Variants in WNT5A observed in about 807,000 individuals in gnomAD.
WNT5A encodes Wnt family member 5A, also known as protein Wnt-5a.
Under a neutral mutation model 42.1 loss-of-function variants are expected in WNT5A, and 9 were observed. That is an observed-to-expected ratio of 0.21 (90% CI 0.13 to 0.37). The LOEUF (loss-of-function observed/expected upper bound fraction) is 0.37. Ranked by LOEUF, WNT5A falls within the 10% of genes least tolerant of loss-of-function variation. The pLI, the probability that WNT5A is intolerant of heterozygous loss-of-function variation, is 1.00. For missense variants in WNT5A, 426 were observed against 534.0 expected, an observed-to-expected ratio of 0.80 and a Z score of 1.99; for synonymous variants, 210 against 210.0, an observed-to-expected ratio of 1.00 and a Z score of 0.00.
rs2051381008 is a variant in WNT5A, at chr3:55,477,580, T to C, written c.391+1734A>G. Among the ~76,000 whole-genome samples, 3 of 152,160 alleles carry C rather than the reference T, an allele frequency of 2.0e-5. No individual in the cohort carries two copies. The South Asian group carries it at 6.2e-4, about 32-fold the overall frequency. On this transcript the variant is annotated intron_variant, in intron 3 of 4. Transcript: ENST00000264634. ...CCGTGCAGCTGAAGACCAGAGAGCA[T>C]ACTTTCCAGGGACAATTAAATACAG...
intron 3 of WNT5A, 50 bp from the exon 4 acceptor site, chr3:55,474,679 CGGGATGCTGCCGGGGGTGG>C: frequency 4.1e-6 from 1 of 246,056 alleles, no homozygotes; most frequent in Non-Finnish European, 5.0e-6. Flanking sequence ...CGCGCTGGGC[CGGGATGCTGCCGGGGGTGG>C]GGGTGGGGGC....
chr3:55,472,719 C>T (rs989468472), intron 4 of WNT5A, among the ~76,000 whole-genome samples: 1 of 152,132 alleles, frequency 6.6e-6, no homozygotes, highest in African/African-American at 2.4e-5. Flanking sequence ...CCCGGAACAC[C>T]CAAATGTTTA....
the WNT5A span, among the ~76,000 whole-genome samples, chr3:55,503,354 A>G: frequency 4.6e-5 from 7 of 152,222 alleles, no homozygotes; most frequent in Admixed American, 4.6e-4. Flanking sequence ...GTGTTAAATG[A>G]CCATTTGATC....
the WNT5A span, among the ~76,000 whole-genome samples, chr3:55,504,078 C>A: frequency 1.3e-5 from 2 of 152,066 alleles, no homozygotes; most frequent in African/African-American, 2.4e-5. Context: ...TCAAGACAAG[C>A]CTGGCCAATA....
At chr3:55,481,787 A>C (rs933414496) in intron 1 of WNT5A, among the ~76,000 whole-genome samples, 6 of 152,096 alleles carry the variant, frequency 3.9e-5, no homozygotes, top group African/African-American at 1.4e-4. Context: ...GACTGAGAGA[A>C]GGGATGGAAC....
chr3:55,486,936 G>T, intron 1 of WNT5A, 44 bp downstream of exon 1: 3 of 1,507,892 alleles, frequency 2.0e-6, no homozygotes, highest in Non-Finnish European at 2.8e-6. Flanking sequence ...AACAGGGGGT[G>T]GGGGGAAGTA....
chr3:55,473,401 G>A (rs558926731), intron 4 of WNT5A, among the ~76,000 whole-genome samples: 2 of 152,312 alleles, frequency 1.3e-5, no homozygotes, highest in East Asian at 3.9e-4. Context: ...TGCTGCCAAA[G>A]TTAAGAAAAG....
In WNT5A at chr3:55,465,998, T is replaced by C. The variant is rs577240758; in HGVS notation, c.*4094A>G. The C allele has an allele frequency of 2.0e-5, 3 of 152,242 alleles. No homozygotes were observed. The highest frequency in any genetic ancestry group is 4.4e-5 in the Non-Finnish European group (3 of 68,008). The allele number at this position is 152,242 out of a possible 1,614,324, so 9.4% of individuals were successfully genotyped here. A position where few individuals can be genotyped will look rare whatever the true frequency, so the allele number is the denominator to read the frequency against. ...GATGATGTTTCACTAAAATAAAATA[T>C]CCAATCATCAGATTAAAGTGTAAAG... On this transcript the variant is annotated 3_prime_UTR_variant, in exon 5 of 5. Coordinates refer to ENST00000264634, the MANE Select transcript of WNT5A (RefSeq NM_003392.7).
At chr3:55,486,660 G>C (rs527482332) in intron 1 of WNT5A, among the ~76,000 whole-genome samples, 2 of 152,218 alleles carry the variant, frequency 1.3e-5, no homozygotes, top group Non-Finnish European at 2.9e-5. Flanking sequence ...AATTACACTC[G>C]ATGTTCTCAG....
chr3:55,485,353 G>A (rs759678025), intron 1 of WNT5A, among the ~76,000 whole-genome samples: 1 of 151,974 alleles, frequency 6.6e-6, no homozygotes, highest in African/African-American at 2.4e-5. Context: ...CTTGAGCACC[G>A]GAGCGCACGG....
At chr3:55,492,054 C>G (rs771283439), upstream of WNT5A, among the ~76,000 whole-genome samples, 4 of 152,234 alleles carry the variant, frequency 2.6e-5, no homozygotes, top group Non-Finnish European at 5.9e-5. Flanking sequence ...CTTTGAGACT[C>G]TCAAGCTCTC....
At chr3:55,474,799 G>A (rs2051323475) in intron 3 of WNT5A, among the ~76,000 whole-genome samples, 170 bp from the exon 4 acceptor site, 1 of 81,094 alleles carries the variant, frequency 1.2e-5, no homozygotes, top group Non-Finnish European at 2.5e-5. Flanking sequence ...GTAGGGAGGG[G>A]GGAGGTAGGA....
rs2051171370 is a variant in WNT5A, at chr3:55,467,870, G to T, written c.*2222C>A. The T allele has an allele frequency of 6.6e-6, 1 of 152,000 alleles. No homozygotes were observed. Among genetic ancestry groups the T allele is most frequent in the South Asian group, 2.1e-4 (1 of 4,824 alleles). The allele number at this position is 152,000 out of a possible 1,614,324, so 9.4% of individuals were successfully genotyped here. ...TAGCAAATAAAAAAAGTACTTCATGGTTTTTGTATAATAAAAACCAAAAAA... is the reference window on the plus strand; with the variant it reads ...TAGCAAATAAAAAAAGTACTTCATGTTTTTTGTATAATAAAAACCAAAAAA... On this transcript the variant is annotated 3_prime_UTR_variant, in exon 5 of 5. Transcript: ENST00000264634.
rs527616862 is a variant in WNT5A, at chr3:55,483,632, G to A, written c.7-2714C>T. Among the ~76,000 whole-genome samples the A allele has an allele frequency of 1.7e-4, 26 of 152,320 alleles. No homozygotes were observed. The highest frequency in any genetic ancestry group is 4.6e-4 in the African/African-American group (19 of 41,582). ...TGTAAGGACACTGAGAATCTTCCTC[G>A]CGTGCCACGGGGAGGAGGACTGGGG... On this transcript the variant is annotated intron_variant, in intron 1 of 4. Coordinates refer to ENST00000264634, the MANE Select transcript of WNT5A (RefSeq NM_003392.7). The surrounding 1 kb of genome is among the most constrained non-coding windows in gnomAD (Gnocchi z 4.2).
At chr3:55,472,625 GA>G (rs1367405898) in intron 4 of WNT5A, among the ~76,000 whole-genome samples, 1 of 152,102 alleles carries the variant, frequency 6.6e-6, no homozygotes, top group East Asian at 1.9e-4. Flanking sequence ...AGAGGCCTGA[GA>G]AAGGAGAGGC....
upstream of WNT5A, chr3:55,489,935 G>A (rs969091157): frequency 2.0e-5 from 3 of 152,342 alleles, no homozygotes; most frequent in Admixed American, 6.5e-5. Context: ...TCTGCCCAGT[G>A]GCCGCAGACT....
chr3:55,487,041 G>T lies in WNT5A; in HGVS notation c.-56C>A. 1 of 1,588,060 alleles carries T rather than the reference G, an allele frequency of 6.3e-7. No individual in the cohort carries two copies. The highest frequency in any genetic ancestry group is 8.6e-7 in the Non-Finnish European group (1 of 1,162,804). On this transcript the variant is annotated 5_prime_UTR_variant, in exon 1 of 5. Transcript: ENST00000264634. Reference sequence around the variant, plus strand: ...CGCCACCCGAGCGAGCGCAGCCGAGGAATCCGAGCGGAGCGACCGGGTTAA... The same window carrying T: ...CGCCACCCGAGCGAGCGCAGCCGAGTAATCCGAGCGGAGCGACCGGGTTAA...
chr3:55,478,878 T>C (rs564846984), intron 3 of WNT5A, among the ~76,000 whole-genome samples: 140 of 152,152 alleles, frequency 9.2e-4, no homozygotes, highest in Non-Finnish European at 1.6e-3. Flanking sequence ...TTTCAATATA[T>C]CCAGGATTCT....
In WNT5A at chr3:55,479,510, T is replaced by C. The variant is rs773614332; in HGVS notation, c.195A>G (p.Ala65=). 1 of 1,613,998 alleles carries C rather than the reference T, an allele frequency of 6.2e-7. No individual in the cohort carries two copies. Among genetic ancestry groups the C allele is most frequent in the Non-Finnish European group, 8.5e-7 (1 of 1,179,856 alleles). Residue 65 remains alanine (A), a synonymous_variant, in exon 3 of 5, where the codon GCA becomes GCG. Transcript: ENST00000264634. ...CTGCCAGTTGGCTGCAGAGAGGCTG[T>C]GCTCCTATAATATATACTTCTGACA... ...VQMSEVYIIG[A]QPLCSQLAGL...
Sources: allele counts gnomAD v4.1 joint callset (sites outside exome capture counted in the v4.1 genomes callset), GRCh38; gene constraint gnomAD v4.1.1; non-coding constraint Gnocchi (gnomAD v3.1); transcripts MANE v1.5; gene names NCBI Gene and HGNC (gene_info 2026-07-23, HGNC 2026-07-21).